CCDC38: variants seen among roughly 807,000 people sequenced by gnomAD.
CCDC38 encodes the protein coiled-coil domain-containing protein 38.
Under a neutral mutation model 72.8 loss-of-function variants are expected in CCDC38, and 69 were observed. The observed-to-expected ratio is 0.95, with a 90% CI of 0.78 to 1.16. The LOEUF is 1.16. CCDC38 is among the 50% of genes most tolerant of loss of function. CCDC38 has a pLI of 0.00. For missense variants in CCDC38, 626 were observed against 638.9 expected (o/e 0.98, Z 0.22); for synonymous variants, 201 against 213.2 (o/e 0.94, Z 0.50).
intron 2 of CCDC38, among the ~76,000 whole-genome samples, chr12:95,922,861 G>T (rs961576597): frequency 6.6e-6 from 1 of 152,154 alleles, no homozygotes; most frequent in Admixed American, 6.5e-5. Flanking sequence ...CCAGGTGCCT[G>T]TGATGGTTAA....
chr12:95,901,299 G>C (rs2079947515), intron 5 of CCDC38, among the ~76,000 whole-genome samples: 1 of 152,178 alleles, frequency 6.6e-6, no homozygotes, highest in South Asian at 2.1e-4. Flanking sequence ...AGGGACTATG[G>C]TATGAGATAC....
Position 95,878,424 on chromosome 12 carries a change from T to C in CCDC38, c.1143-78A>G, listed in dbSNP as rs1014064872. 5 of 1,385,320 alleles carry C rather than the reference T, an allele frequency of 3.6e-6. No individual in the cohort carries two copies. In the Admixed American group the frequency reaches 8.1e-5, roughly 22 times the overall value. The allele number at this position is 1,385,320 out of a possible 1,614,324, so 85.8% of individuals were successfully genotyped here. On this transcript the variant is annotated intron_variant, in intron 12 of 15. Transcript: ENST00000344280. ...AACCATCAGTCAGGAGCTTTAACAC[T>C]CTAGATCATGTGTCAAAATCCATGT... is the stretch of plus-strand genomic sequence containing the variant.
At chr12:95,898,291 T>C in intron 7 of CCDC38, 94 bp downstream of exon 7, 1 of 1,187,104 alleles carries the variant, frequency 8.4e-7, no homozygotes, top group Non-Finnish European at 1.3e-6. Context: ...CATCAACTGA[T>C]AAGGATGATC....
chr12:95,904,120 A>G (rs1201820932), intron 5 of CCDC38, among the ~76,000 whole-genome samples: 1 of 152,180 alleles, frequency 6.6e-6, no homozygotes, highest in African/African-American at 2.4e-5. Flanking sequence ...GCATCTTTCA[A>G]GGAATCTATT....
intron 2 of CCDC38, among the ~76,000 whole-genome samples, chr12:95,929,218 CA>C (rs761157932): frequency 2.6e-5 from 4 of 152,240 alleles, no homozygotes; most frequent in Non-Finnish European, 5.9e-5. Context: ...CCCTCTGAGC[CA>C]GGTGCGGGAT....
At chr12:95,889,096 T>C in intron 9 of CCDC38, 1 of 143,358 alleles carries the variant, frequency 7.0e-6, no homozygotes, top group East Asian at 2.2e-4. Context: ...TGGAGTGCAA[T>C]GGCATGATCT....
chr12:95,880,617 C>T (rs1434726563), intron 11 of CCDC38, among the ~76,000 whole-genome samples: 5 of 149,982 alleles, frequency 3.3e-5, no homozygotes, highest in Non-Finnish European at 5.9e-5. Context: ...CGTGCCACTG[C>T]ACTTCAGCCT....
chr12:95,941,075 C>A (rs1438184168), intron 1 of CCDC38, among the ~76,000 whole-genome samples: 2 of 152,220 alleles, frequency 1.3e-5, no homozygotes, highest in Non-Finnish European at 2.9e-5. Flanking sequence ...GAAATTCACT[C>A]ATCCTTTCTG....
intron 2 of CCDC38, among the ~76,000 whole-genome samples, chr12:95,930,774 C>G (rs1031382164): frequency 6.6e-6 from 1 of 152,148 alleles, no homozygotes; most frequent in African/African-American, 2.4e-5. Flanking sequence ...TCTCATTCTA[C>G]CAGCTCTTTA....
intron 9 of CCDC38, among the ~76,000 whole-genome samples, chr12:95,890,210 C>G (rs925533566): frequency 2.6e-5 from 4 of 152,190 alleles, no homozygotes; most frequent in Non-Finnish European, 5.9e-5. Context: ...CCATGCCTGG[C>G]CTACATGTGC....
At chr12:95,908,403 A>G (rs1237369014) in intron 4 of CCDC38, among the ~76,000 whole-genome samples, 1 of 140,620 alleles carries the variant, frequency 7.1e-6, no homozygotes, top group East Asian at 2.2e-4. Context: ...GTGAGCTGAG[A>G]TGGCAGCAGT....
chr12:95,871,444 G>C (rs561868140), intron 14 of CCDC38, among the ~76,000 whole-genome samples: 1 of 152,188 alleles, frequency 6.6e-6, no homozygotes, highest in South Asian at 2.1e-4. Context: ...GGTATCCTTG[G>C]GAGGTCCTGG....
At position 95,879,637 on chromosome 12, in the gene CCDC38, G is replaced by T; in HGVS notation, c.1142+7C>A. 4 of 1,562,146 alleles carry T rather than the reference G, an allele frequency of 2.6e-6. No homozygotes were observed. The South Asian group carries it at 3.4e-5, about 13-fold the overall frequency. ...TGGAATAAATCTACTTGTTTATAAT[G>T]ACTTACGTTTTATCCTGTATAACTT... On this transcript the variant is annotated splice_region_variant and intron_variant, in intron 12 of 15. Transcript: ENST00000344280. The surrounding 1 kb of genome is among the most constrained non-coding windows in gnomAD (Gnocchi z 5.5).
At chr12:95,886,996 C>A (rs767761961) in intron 10 of CCDC38, among the ~76,000 whole-genome samples, 29 of 152,150 alleles carry the variant, frequency 1.9e-4, no homozygotes, top group Non-Finnish European at 3.8e-4. Context: ...CCAGCCTGAC[C>A]AACATGGTGA....
intron 4 of CCDC38, among the ~76,000 whole-genome samples, chr12:95,907,338 G>A (rs2121494305): frequency 6.9e-6 from 1 of 145,588 alleles, no homozygotes; most frequent in Non-Finnish European, 1.5e-5. Flanking sequence ...GAGCTGTTGG[G>A]TACACCTCCC....
In CCDC38 at chr12:95,872,424, G is replaced by C. The variant is rs777326778; in HGVS notation, c.1315C>G (p.Gln439Glu). 6.2e-7 allele frequency: 1 copy of C among 1,613,982 alleles called. No individual in the cohort carries two copies. The highest frequency in any genetic ancestry group is 1.7e-5 in the Admixed American group (1 of 60,010). ...LIDSLSKKIT[Q>E]VYKVCIGDAE... ...TCTCCAATGCAGACTTTGTATACTT[G>C]AGTAATCTTTTTACTAAGTGAGTCT... is the stretch of plus-strand genomic sequence containing the variant. Residue 439 changes from glutamine (Q) to glutamate (E), a missense_variant, in exon 14 of 16, where the codon CAA (glutamine) becomes GAA (glutamate). Gln to Glu is a conservative substitution (Grantham distance 29). Coordinates refer to ENST00000344280, the MANE Select transcript of CCDC38 (RefSeq NM_182496.3).
At chr12:95,874,808 T>C (rs1315059373) in intron 13 of CCDC38, among the ~76,000 whole-genome samples, 1 of 152,168 alleles carries the variant, frequency 6.6e-6, no homozygotes, top group Non-Finnish European at 1.5e-5. Context: ...GAGGAATCAT[T>C]GTATCAAAAC....
chr12:95,897,682 A>G (rs1400116897), intron 7 of CCDC38, among the ~76,000 whole-genome samples: 1 of 151,710 alleles, frequency 6.6e-6, no homozygotes, highest in African/African-American at 2.4e-5. Flanking sequence ...TCCAAGTTTG[A>G]AAAAGAGTGG....
At chr12:95,923,905 G>T (rs2080237948) in intron 2 of CCDC38, among the ~76,000 whole-genome samples, 1 of 142,034 alleles carries the variant, frequency 7.0e-6, no homozygotes, top group East Asian at 2.0e-4. Context: ...GTATTCCATG[G>T]TGTATATGTG....
Sources: allele counts gnomAD v4.1 joint callset (sites outside exome capture counted in the v4.1 genomes callset), GRCh38; gene constraint gnomAD v4.1.1; non-coding constraint Gnocchi (gnomAD v3.1); transcripts MANE v1.5; gene names NCBI Gene and HGNC (gene_info 2026-07-23, HGNC 2026-07-21).